ADGRV1: variants seen among roughly 807,000 people sequenced by gnomAD.
The protein encoded by ADGRV1 is G-protein coupled receptor 98.
A neutral mutation model predicts 596.2 loss-of-function variants in ADGRV1; 359 were observed. That is an observed-to-expected ratio of 0.60 (90% confidence interval 0.55 to 0.66). ADGRV1 has a LOEUF of 0.66. Among genes scored for constraint, ADGRV1 ranks in the 30% least tolerant of loss-of-function variants. The pLI is 0.00. For synonymous variants in ADGRV1, 2,681 were observed against 2,679.2 expected (o/e 1.00, Z -0.02); for missense variants, 7,274 against 7,575.6 (o/e 0.96, Z 1.48).
chr5:90,934,486 C>T (rs993273079), intron 83 of ADGRV1, among the ~76,000 whole-genome samples: 2 of 152,190 alleles, frequency 1.3e-5, no homozygotes, highest in African/African-American at 4.8e-5. Flanking sequence ...AACCTGCCCA[C>T]AGCTACTGAT....
intron 85 of ADGRV1, among the ~76,000 whole-genome samples, chr5:91,009,995 C>T: frequency 6.9e-6 from 1 of 145,958 alleles, no homozygotes; most frequent in Admixed American, 6.8e-5. Flanking sequence ...CATTACAGAG[C>T]AAAAAAAAAA....
rs1433405411 is a variant in ADGRV1, at chr5:90,675,285, A to G, written c.5153A>G (p.Asp1718Gly). Residue 1718 changes from aspartate to glycine, a missense_variant, in exon 24 of 90, where the codon GAC becomes GGC. Transcript: ENST00000405460. ...ACAGGGCTGCCTCCTCAGCCTAAGG[A>G]CGCAATGACCCTGCCTGCAAGCAGC... ...FSTGLPPQPK[D>G]AMTLPASSVP... is the part of the protein sequence containing the mutation. 2 of 1,613,758 alleles carry G rather than the reference A, an allele frequency of 1.2e-6. No individual in the cohort carries two copies. Among genetic ancestry groups the G allele is most frequent in the Non-Finnish European group, 8.5e-7 (1 of 1,179,844 alleles).
At chr5:90,842,853 A>G (rs529458666) in intron 78 of ADGRV1, among the ~76,000 whole-genome samples, 1 of 152,320 alleles carries the variant, frequency 6.6e-6, no homozygotes, top group Non-Finnish European at 1.5e-5. Flanking sequence ...CTTTTTTAAA[A>G]ATAGTATGAT....
chr5:91,143,735 A>G (rs149051944), intron 87 of ADGRV1, among the ~76,000 whole-genome samples: 2,528 of 152,238 alleles, frequency 0.017, 59 homozygotes, highest in African/African-American at 0.055. Context: ...GGCCTTCCCC[A>G]GCTTGAAGGT....
At position 91,031,128 on chromosome 5, in the gene ADGRV1, C is replaced by G; in HGVS notation, c.18153-41319C>G. On this transcript the variant is annotated intron_variant, in intron 85 of 89. Transcript: ENST00000405460. Reference sequence around the variant, plus strand: ...CAGCTCTTGTACACAAGTAAAAGAACAGAAACATCTGTAAGTAAGGTATTA... The same window carrying G: ...CAGCTCTTGTACACAAGTAAAAGAAGAGAAACATCTGTAAGTAAGGTATTA... The G allele has an allele frequency of 7.4e-6, 10 of 1,353,532 alleles. No homozygotes were observed. The South Asian group carries it at 1.1e-4, about 15-fold the overall frequency. The allele number at this position is 1,353,532 out of a possible 1,614,324, so 83.8% of individuals were successfully genotyped here. A position where few individuals can be genotyped will look rare whatever the true frequency, so the allele number is the denominator to read the frequency against.
intron 83 of ADGRV1, among the ~76,000 whole-genome samples, chr5:90,950,057 A>G (rs1776928867): frequency 6.6e-6 from 1 of 152,168 alleles, no homozygotes; most frequent in Non-Finnish European, 1.5e-5. Flanking sequence ...AGAACTGGAG[A>G]TACATTCATT....
chr5:90,704,268 G>T (rs1748301299), intron 35 of ADGRV1, 121 bp from the exon 36 acceptor site: 2 of 674,422 alleles, frequency 3.0e-6, no homozygotes, highest in Non-Finnish European at 5.1e-6. Flanking sequence ...TTAAGCCACA[G>T]AACTTTTGTT....
intron 83 of ADGRV1, among the ~76,000 whole-genome samples, chr5:90,938,629 A>T (rs979829899): frequency 1.3e-5 from 2 of 152,190 alleles, no homozygotes; most frequent in Non-Finnish European, 2.9e-5. Context: ...TTGAGCACCT[A>T]TTATATGCCA....
chr5:90,571,405 A>G (rs1756514795), intron 1 of ADGRV1, among the ~76,000 whole-genome samples: 1 of 152,026 alleles, frequency 6.6e-6, no homozygotes, highest in South Asian at 2.1e-4. Context: ...ACAGCCTTAT[A>G]CTTGTGTGTC....
chr5:90,984,913 A>G (rs1230223819), intron 84 of ADGRV1, among the ~76,000 whole-genome samples: 1 of 152,208 alleles, frequency 6.6e-6, no homozygotes, highest in Non-Finnish European at 1.5e-5. Flanking sequence ...CTGCCATATG[A>G]TAGGCCCTCA....
intron 85 of ADGRV1, among the ~76,000 whole-genome samples, chr5:90,990,267 C>T (rs1360157385): frequency 1.3e-5 from 2 of 152,118 alleles, no homozygotes; most frequent in East Asian, 3.9e-4. Flanking sequence ...TAAAACCCTA[C>T]CTCTTATATA....
At chr5:90,707,371 T>A (rs1299024052) in intron 38 of ADGRV1, among the ~76,000 whole-genome samples, 1 of 151,978 alleles carries the variant, frequency 6.6e-6, no homozygotes, top group Non-Finnish European at 1.5e-5. Context: ...AATATTGCAG[T>A]TGAGAAAATA....
At chr5:90,627,917 G>GACACACACAC (rs3041948) in intron 7 of ADGRV1, 141 bp downstream of exon 7, 6,332 of 230,052 alleles carry the variant, frequency 0.028, 151 homozygotes, top group Admixed American at 0.038. Context: ...ACTCAGAAAA[G>GACACACACAC]ACACACACAC....
At position 91,164,154 on chromosome 5, in the gene ADGRV1, T is replaced by A. The variant is rs935644472; in HGVS notation, c.*254T>A. 1 of 534,826 alleles carries A rather than the reference T, an allele frequency of 1.9e-6. No homozygotes were observed. Among genetic ancestry groups the A allele is most frequent in the South Asian group, 1.9e-5 (1 of 53,222 alleles). The allele number at this position is 534,826 out of a possible 1,614,324, so 33.1% of individuals were successfully genotyped here. ...ATTCCAAGGATATTAGTTGTTTTTT[T>A]AATCATCCTATATGGCTAACATTGT... On this transcript the variant is annotated 3_prime_UTR_variant, in exon 90 of 90. Transcript: ENST00000405460.
rs753978373 is a variant in ADGRV1, at chr5:90,696,920, C to T, written c.7946-17C>T. ...GATTTTGTTACTTTGGTTTTTATTC[C>T]ATTGATGTTTTTATAGGTGAAACCA... On this transcript the variant is annotated splice_polypyrimidine_tract_variant and intron_variant, in intron 33 of 89. Coordinates refer to ENST00000405460, the MANE Select transcript of ADGRV1 (RefSeq NM_032119.4). 9.5e-6 allele frequency: 15 copies of T among 1,585,824 alleles called. No homozygotes were observed. Among genetic ancestry groups the T allele is most frequent in the Non-Finnish European group, 3.4e-6 (4 of 1,159,912 alleles).
intron 50 of ADGRV1, among the ~76,000 whole-genome samples, chr5:90,732,605 C>A (rs974076871): frequency 4.6e-5 from 7 of 152,114 alleles, no homozygotes; most frequent in African/African-American, 1.7e-4. Context: ...ATCAAAATCC[C>A]CCATTTCTCT....
intron 84 of ADGRV1, among the ~76,000 whole-genome samples, chr5:90,976,318 G>GTATATATATATA (rs1465709028): frequency 5.4e-4 from 65 of 120,734 alleles, no homozygotes; most frequent in Middle Eastern, 4.2e-3. Context: ...GTGTGTGTGT[G>GTATATATATATA]TGTGTATATA....
chr5:91,155,127 TAGAGTTTGCTAGGAAA>T (rs1193738002), intron 89 of ADGRV1, among the ~76,000 whole-genome samples: 6 of 152,136 alleles, frequency 3.9e-5, no homozygotes, highest in Non-Finnish European at 8.8e-5. Context: ...CAATGAAGCT[TAGAGTTTGCTAGGAAA>T]AATAGACATT....
chr5:90,726,488 C>T (rs16869046), intron 48 of ADGRV1, among the ~76,000 whole-genome samples: 3,515 of 152,210 alleles, frequency 0.023, 132 homozygotes, highest in African/African-American at 0.082. Flanking sequence ...TTTACTTCCC[C>T]GTGCTCACCA....
Sources: gnomAD v4.1 joint callset for allele counts (sites outside exome capture counted in the v4.1 genomes callset) on GRCh38, gnomAD v4.1.1 for gene constraint, MANE v1.5 for transcripts, NCBI Gene and HGNC (gene_info 2026-07-23, HGNC 2026-07-21) for gene names.